Variants in RNF24 observed in about 807,000 individuals in gnomAD.
RNF24 encodes the protein ring finger protein 24.
In RNF24, 14 loss-of-function variants were observed where a neutral mutation model predicts 20.0. That is an observed-to-expected ratio of 0.70 (90% confidence interval 0.46 to 1.10). The LOEUF is 1.10. RNF24 is among the 50% of genes least tolerant of loss of function. The probability of loss-of-function intolerance (pLI) is 0.00; values close to 1 mark genes in which losing one functional copy is unlikely to be tolerated. For synonymous variants in RNF24, 45 were observed against 61.1 expected (o/e 0.74, Z 1.23); for missense variants, 124 against 177.6 (o/e 0.70, Z 1.71).
intron 1 of RNF24, among the ~76,000 whole-genome samples, chr20:3,993,213 A>G (rs1157699189): frequency 6.6e-6 from 1 of 152,170 alleles, no homozygotes; most frequent in East Asian, 1.9e-4. Context: ...ATTCAGATGA[A>G]AAACTGAGAC....
At position 3,943,820 on chromosome 20, in the gene RNF24, C is replaced by T. The variant is rs575569916; in HGVS notation, c.228+1357G>A. Among the ~76,000 whole-genome samples the T allele has an allele frequency of 3.3e-4, 51 of 152,262 alleles. No individual in the cohort carries two copies. The South Asian group carries it at 7.1e-3, about 21-fold the overall frequency. On this transcript the variant is annotated intron_variant, in intron 4 of 5. Coordinates refer to ENST00000358395, the MANE Select transcript of RNF24 (RefSeq NM_001134337.3). The stretch of plus-strand genomic sequence containing the variant: ...GGTAAAAATTTAATCTTTTCATTTA[C>T]GGTCATCAAAAAGACTCCAAATGGG...
At chr20:3,952,166 C>A (rs1355053634) in intron 2 of RNF24, among the ~76,000 whole-genome samples, 6 of 150,484 alleles carry the variant, frequency 4.0e-5, no homozygotes, top group African/African-American at 7.3e-5. Flanking sequence ...AAAAAAAAAA[C>A]CCTCTTGGGG....
At chr20:3,996,956 C>T (rs1261993557) in intron 1 of RNF24, among the ~76,000 whole-genome samples, 1 of 152,026 alleles carries the variant, frequency 6.6e-6, no homozygotes, top group Non-Finnish European at 1.5e-5. Context: ...CGTGGTGGCT[C>T]ACGCCTGTAA....
intron 1 of RNF24, among the ~76,000 whole-genome samples, chr20:3,996,109 A>G (rs557690388): frequency 4.6e-5 from 7 of 152,298 alleles, no homozygotes; most frequent in African/African-American, 1.7e-4. Context: ...AAGCTGTACA[A>G]GATATATGCT....
intron 2 of RNF24, among the ~76,000 whole-genome samples, chr20:3,954,051 C>T (rs560483168): frequency 4.6e-5 from 7 of 152,154 alleles, no homozygotes; most frequent in Non-Finnish European, 8.8e-5. Flanking sequence ...CCACCATGCC[C>T]GGCCCCGGTT....
chr20:3,947,240 A>G (rs189849674), intron 3 of RNF24, among the ~76,000 whole-genome samples: 315 of 152,330 alleles, frequency 2.1e-3, no homozygotes, highest in Admixed American at 3.3e-3. Flanking sequence ...TTACAGTTCC[A>G]TAACATCAGC....
chr20:3,949,195 C>G (rs895760967), intron 2 of RNF24, among the ~76,000 whole-genome samples: 5 of 151,780 alleles, frequency 3.3e-5, no homozygotes, highest in African/African-American at 1.2e-4. Flanking sequence ...GCCTGGTCAA[C>G]AGGGAGAAAC....
At chr20:3,935,141 C>T in intron 4 of RNF24, 68 bp from the exon 5 acceptor site, 3 of 1,342,214 alleles carry the variant, frequency 2.2e-6, no homozygotes, top group Non-Finnish European at 3.2e-6. Flanking sequence ...AAGTAGAGTG[C>T]AGGCTCCTAA....
chr20:3,938,893 C>G (rs1274372003), intron 4 of RNF24, among the ~76,000 whole-genome samples: 1 of 152,032 alleles, frequency 6.6e-6, no homozygotes, highest in African/African-American at 2.4e-5. Flanking sequence ...GACTTACAGG[C>G]ACACATCACG....
chr20:3,962,123 C>T (rs574301184), intron 2 of RNF24, among the ~76,000 whole-genome samples: 22 of 152,098 alleles, frequency 1.4e-4, no homozygotes, highest in African/African-American at 4.8e-4. Context: ...GAGGTTGAGG[C>T]GGGTGGATTG....
intron 1 of RNF24, among the ~76,000 whole-genome samples, chr20:4,000,993 G>A (rs1274632514): frequency 2.0e-5 from 3 of 152,136 alleles, no homozygotes; most frequent in Admixed American, 6.6e-5. Context: ...GTGGCCAGGC[G>A]CAGTGGCTCA....
At chr20:3,992,210 T>G (rs982343894) in intron 1 of RNF24, among the ~76,000 whole-genome samples, 1 of 152,228 alleles carries the variant, frequency 6.6e-6, no homozygotes, top group Non-Finnish European at 1.5e-5. Context: ...CTGACTTCAC[T>G]AGGAAATCTT....
chr20:3,938,929 A>T (rs1186267381), intron 4 of RNF24, among the ~76,000 whole-genome samples: 5 of 151,424 alleles, frequency 3.3e-5, no homozygotes, highest in Non-Finnish European at 7.4e-5. Flanking sequence ...TTTTTTTTGT[A>T]AGTAGAGATA....
chr20:3,977,779 G>A (rs1329473329), intron 1 of RNF24, among the ~76,000 whole-genome samples: 1 of 151,306 alleles, frequency 6.6e-6, no homozygotes, highest in Non-Finnish European at 1.5e-5. Context: ...GCAGGAGAAT[G>A]GCATGAACCC....
chr20:4,008,447 T>TAC (rs1982124211), intron 1 of RNF24, among the ~76,000 whole-genome samples: 1 of 15,474 alleles, frequency 6.5e-5, no homozygotes, highest in African/African-American at 1.6e-4. Flanking sequence ...ATGTATAATA[T>TAC]ATATAATATA....
intron 1 of RNF24, among the ~76,000 whole-genome samples, chr20:3,985,440 G>GT (rs1169751218): frequency 6.6e-6 from 1 of 151,704 alleles, no homozygotes; most frequent in Admixed American, 6.6e-5. Flanking sequence ...TAGCCTTTGT[G>GT]TTTTTTATCC....
chr20:4,011,549 G>A (rs944924237), intron 1 of RNF24, among the ~76,000 whole-genome samples: 11 of 152,150 alleles, frequency 7.2e-5, no homozygotes, highest in African/African-American at 1.4e-4. Flanking sequence ...ACCATCTCCT[G>A]GGGAAAAGAT....
In RNF24 at chr20:3,933,285, T is replaced by C; in HGVS notation, c.*778A>G. 2.5e-6 allele frequency: 1 copy of C among 397,880 alleles called. No individual in the cohort carries two copies. The highest frequency in any genetic ancestry group is 4.4e-5 in the Admixed American group (1 of 22,720). 24.6% of individuals were successfully genotyped at this position (397,880 alleles called of 1,614,324 possible). A position where few individuals can be genotyped will look rare whatever the true frequency, so the allele number is the denominator to read the frequency against. On this transcript the variant is annotated 3_prime_UTR_variant, in exon 6 of 6. Coordinates refer to ENST00000358395, the MANE Select transcript of RNF24 (RefSeq NM_001134337.3). ...GGCAGTGGGCTCACAGCAGCTACAC[T>C]GGAACCACAGTGCACATGTGGGGAT... is the stretch of plus-strand genomic sequence containing the variant.
intron 2 of RNF24, among the ~76,000 whole-genome samples, chr20:3,957,240 G>A (rs898637356): frequency 2.6e-5 from 4 of 152,118 alleles, no homozygotes; most frequent in Non-Finnish European, 4.4e-5. Flanking sequence ...GGAGGTTGCA[G>A]TGAGCTGAGA....
Sources: gnomAD v4.1 joint callset for allele counts (sites outside exome capture counted in the v4.1 genomes callset) on GRCh38, gnomAD v4.1.1 for gene constraint, MANE v1.5 for transcripts, NCBI Gene and HGNC (gene_info 2026-07-23, HGNC 2026-07-21) for gene names.